The following PARD3B variants were observed in gnomAD, a reference collection of about 807,000 sequenced individuals.
PARD3B encodes the protein par-3 family cell polarity regulator beta, also known as partitioning defective 3 homolog B.
In PARD3B, 103 loss-of-function variants were observed where a neutral mutation model predicts 130.2. That is an observed-to-expected ratio of 0.79 (90% confidence interval 0.67 to 0.93). PARD3B has a LOEUF of 0.93. PARD3B is among the 40% of genes least tolerant of loss of function. PARD3B has a pLI of 0.00. For synonymous variants in PARD3B, 583 were observed against 553.2 expected (o/e 1.05, Z -0.76); for missense variants, 1,609 against 1,499.2 (o/e 1.07, Z -1.21).
In PARD3B at chr2:205,125,167, G is replaced by A. The variant is rs898321774; in HGVS notation, c.1306-442G>A. 5.3e-5 allele frequency among the ~76,000 whole-genome samples: 8 copies of A among 152,138 alleles called. No individual in the cohort carries two copies. The highest frequency in any genetic ancestry group is 1.9e-4 in the African/African-American group (8 of 41,404). The stretch of plus-strand genomic sequence containing the variant: ...AATTTCCCTTAATCTATGATAATCT[G>A]GTGACTATAATTTTCTAAATATGTT... On this transcript the variant is annotated intron_variant, in intron 9 of 22. Transcript: ENST00000406610. This position sits in a 1 kb window ranked among gnomAD's most constrained non-coding sequence, Gnocchi z 4.0.
At chr2:205,316,780 A>G (rs2042578467) in intron 18 of PARD3B, among the ~76,000 whole-genome samples, 1 of 152,114 alleles carries the variant, frequency 6.6e-6, no homozygotes. Context: ...TTCCAACAGC[A>G]TTTCTAGGTA....
intron 20 of PARD3B, among the ~76,000 whole-genome samples, chr2:205,462,165 C>G (rs996878950): frequency 1.3e-5 from 2 of 152,154 alleles, no homozygotes; most frequent in African/African-American, 4.8e-5. Flanking sequence ...GAAAGACGTT[C>G]TGGGAGAATA....
At chr2:204,601,800 C>T (rs1277556756) in intron 1 of PARD3B, among the ~76,000 whole-genome samples, 1 of 151,960 alleles carries the variant, frequency 6.6e-6, no homozygotes, top group African/African-American at 2.4e-5. Context: ...TTGAGTAGTT[C>T]AAAGGCAAGA....
intron 2 of PARD3B, among the ~76,000 whole-genome samples, chr2:204,834,315 A>C (rs549379919): frequency 1.8e-4 from 28 of 152,224 alleles, no homozygotes; most frequent in Non-Finnish European, 3.4e-4. Flanking sequence ...TACAGACTCA[A>C]TACATAAATA....
At chr2:205,070,852 ATTTCATTAAGTTT>A (rs1460890725) in intron 4 of PARD3B, among the ~76,000 whole-genome samples, 11 of 152,098 alleles carry the variant, frequency 7.2e-5, no homozygotes. Context: ...TGAAATACTA[ATTTCATTAAGTTT>A]TGCAGTGTAA....
intron 2 of PARD3B, among the ~76,000 whole-genome samples, chr2:204,722,677 G>C (rs2039052050): frequency 1.3e-5 from 2 of 152,230 alleles, no homozygotes; most frequent in African/African-American, 4.8e-5. Flanking sequence ...TACTGGGTTT[G>C]GTCCTTGTTA....
intron 21 of PARD3B, among the ~76,000 whole-genome samples, chr2:205,536,470 C>T (rs144242600): frequency 2.1e-3 from 324 of 152,242 alleles, no homozygotes; most frequent in African/African-American, 7.6e-3. Context: ...TTGTTCCCCA[C>T]GGTTGACCCT....
intron 2 of PARD3B, among the ~76,000 whole-genome samples, chr2:204,694,122 A>G (rs1472256158): frequency 6.6e-6 from 1 of 152,064 alleles, no homozygotes; most frequent in African/African-American, 2.4e-5. Flanking sequence ...GGAAAATACA[A>G]TGGAAATTAC....
chr2:205,556,260 CTGAT>C (rs1247252297), intron 22 of PARD3B, among the ~76,000 whole-genome samples: 3 of 152,298 alleles, frequency 2.0e-5, no homozygotes, highest in South Asian at 2.1e-4. Context: ...ATGCTACTGA[CTGAT>C]TGGGTTCCTA....
rs982751733 is a variant in PARD3B at position 205,276,503 on chromosome 2, G to T, written c.2186-24027G>T. 2.0e-5 allele frequency among the ~76,000 whole-genome samples: 3 copies of T among 152,218 alleles called. No homozygotes were observed. Among genetic ancestry groups the T allele is most frequent in the South Asian group, 2.1e-4 (1 of 4,834 alleles). Reference sequence around the variant, plus strand: ...GAATTTAAAAGAAGACAAAGGAGTTGCAGGGAGAAGCAGGTTGGCAATGAG... The same window carrying T: ...GAATTTAAAAGAAGACAAAGGAGTTTCAGGGAGAAGCAGGTTGGCAATGAG... On this transcript the variant is annotated intron_variant, in intron 16 of 22. Transcript: ENST00000406610. This position sits in a 1 kb window ranked among gnomAD's most constrained non-coding sequence, Gnocchi z 5.0.
chr2:205,165,790 A>G (rs2034779788), intron 11 of PARD3B, among the ~76,000 whole-genome samples: 1 of 151,924 alleles, frequency 6.6e-6, no homozygotes, highest in Admixed American at 6.6e-5. Flanking sequence ...ATATGCCCAC[A>G]GGTGATTTGC....
At chr2:205,107,676 A>G (rs1218958928) in intron 5 of PARD3B, among the ~76,000 whole-genome samples, 2 of 152,240 alleles carry the variant, frequency 1.3e-5, no homozygotes, top group East Asian at 1.9e-4. Flanking sequence ...GATAAAACAC[A>G]TTGCTCCATA....
At chr2:204,598,823 A>C (rs946211687) in intron 1 of PARD3B, among the ~76,000 whole-genome samples, 1 of 152,068 alleles carries the variant, frequency 6.6e-6, no homozygotes, top group African/African-American at 2.4e-5. Context: ...CTACTAGATC[A>C]ATGGATGTAC....
chr2:205,445,490 G>T (rs1313213539), intron 20 of PARD3B, among the ~76,000 whole-genome samples: 1 of 152,092 alleles, frequency 6.6e-6, no homozygotes, highest in African/African-American at 2.4e-5. Context: ...GTCTTACATG[G>T]CAGGGGCAGG....
In PARD3B at chr2:205,586,190, G is replaced by A. The variant is rs796370553; in HGVS notation, c.3261-29266G>A. 3.3e-5 allele frequency among the ~76,000 whole-genome samples: 5 copies of A among 152,132 alleles called. No homozygotes were observed. In the South Asian group the frequency reaches 1.0e-3, roughly 32 times the overall value. On this transcript the variant is annotated intron_variant, in intron 22 of 22. Transcript: ENST00000406610. ...GATGATAGCCGCCTATTCTTGAATG[G>A]CAATGCTGTTGTAATAAATCTCCAT...
intron 20 of PARD3B, among the ~76,000 whole-genome samples, chr2:205,499,216 T>G (rs1282035175): frequency 6.6e-6 from 1 of 151,780 alleles, no homozygotes; most frequent in Non-Finnish European, 1.5e-5. Flanking sequence ...GGCAGATGAG[T>G]TACTGGAAAA....
At chr2:204,665,458 C>T (rs1225921102) in intron 1 of PARD3B, among the ~76,000 whole-genome samples, 1 of 152,144 alleles carries the variant, frequency 6.6e-6, no homozygotes, top group African/African-American at 2.4e-5. Flanking sequence ...GAGTGAGTCA[C>T]ATTCCTCAAC....
chr2:205,113,394 GTGTGTGTGTGTGT>G (rs1703787839), intron 5 of PARD3B, 84 bp from the exon 6 acceptor site: 6 of 584,346 alleles, frequency 1.0e-5, no homozygotes, highest in South Asian at 2.6e-5. Context: ...CTGAGCAGGG[GTGTGTGTGTGTGT>G]GTGTGTGTGT....
chr2:204,651,241 C>T (rs577465664), intron 1 of PARD3B, among the ~76,000 whole-genome samples: 74 of 152,322 alleles, frequency 4.9e-4, no homozygotes, highest in African/African-American at 1.8e-3. Context: ...AAGTCCCTTC[C>T]ATCTATAAGC....
Sources: allele counts gnomAD v4.1 joint callset (sites outside exome capture counted in the v4.1 genomes callset), GRCh38; gene constraint gnomAD v4.1.1; non-coding constraint Gnocchi (gnomAD v3.1); transcripts MANE v1.5; gene names NCBI Gene and HGNC (gene_info 2026-07-23, HGNC 2026-07-21).